The following PKP2 variants were observed in gnomAD, a reference collection of about 807,000 sequenced individuals.
PKP2 encodes the protein plakophilin 2.
In PKP2, 73 loss-of-function variants were observed where a neutral mutation model predicts 83.4. The ratio of observed to expected loss-of-function variants is 0.88; its 90% CI spans 0.72 to 1.06. PKP2 has a LOEUF of 1.06. PKP2 is among the 50% of genes least tolerant of loss of function. The probability of loss-of-function intolerance (pLI) is 0.00; values close to 1 mark genes in which losing one functional copy is unlikely to be tolerated. For missense variants in PKP2, 966 were observed against 1,065.4 expected (o/e 0.91, Z 1.30); for synonymous variants, 409 against 430.4 (o/e 0.95, Z 0.62).
chr12:32,821,702 T>A, intron 8 of PKP2, 173 bp from the exon 9 acceptor site: 1 of 622,246 alleles, frequency 1.6e-6, no homozygotes, highest in Non-Finnish European at 2.8e-6. Flanking sequence ...CACTTAACTT[T>A]TAGCCCATAA....
At position 32,792,315 on chromosome 12, in the gene PKP2, G is replaced by A; in HGVS notation, c.*109C>T. The stretch of plus-strand genomic sequence containing the variant: ...CTGGATTCAGGGGACCACGGAAATA[G>A]AGAAGGATAGAAACAAGGCATGCTT... On this transcript the variant is annotated 3_prime_UTR_variant, in exon 13 of 13. Coordinates refer to ENST00000340811, the MANE Select transcript of PKP2 (RefSeq NM_001005242.3). 1.2e-6 allele frequency: 1 copy of A among 814,524 alleles called. No individual in the cohort carries two copies. The highest frequency in any genetic ancestry group is 2.2e-6 in the Non-Finnish European group (1 of 460,030). The allele number at this position is 814,524 out of a possible 1,614,324, so 50.5% of individuals were successfully genotyped here.
chr12:32,876,903 G>A (rs1016174140), intron 3 of PKP2, among the ~76,000 whole-genome samples: 1 of 152,182 alleles, frequency 6.6e-6, no homozygotes, highest in Non-Finnish European at 1.5e-5. Flanking sequence ...AAATCTCATG[G>A]TGAATTTTAC....
rs1592723759 is a variant in PKP2, at chr12:32,791,021, C to T, written c.*1403G>A. On this transcript the variant is annotated 3_prime_UTR_variant, in exon 13 of 13. Coordinates refer to ENST00000340811, the MANE Select transcript of PKP2 (RefSeq NM_001005242.3). ...CAAATATAATAAAGACTTAAGTACA[C>T]ATTCAAAATTTATTTTCTGTTACAG... 2 of 151,958 alleles carry T rather than the reference C, an allele frequency of 1.3e-5. No individual in the cohort carries two copies. The highest frequency in any genetic ancestry group is 2.4e-5 in the African/African-American group (1 of 41,354). 9.4% of individuals were successfully genotyped at this position (151,958 alleles called of 1,614,324 possible). A position where few individuals can be genotyped will look rare whatever the true frequency, so the allele number is the denominator to read the frequency against.
intron 11 of PKP2, among the ~76,000 whole-genome samples, chr12:32,794,195 A>G (rs1281581433): frequency 6.6e-6 from 1 of 152,250 alleles, no homozygotes; most frequent in Non-Finnish European, 1.5e-5. Context: ...TGGACTTTTC[A>G]GAATCACTTG....
chr12:32,835,157 G>A (rs549303757), intron 6 of PKP2, among the ~76,000 whole-genome samples: 20 of 151,570 alleles, frequency 1.3e-4, no homozygotes, highest in Admixed American at 1.3e-3. Flanking sequence ...GGGTTCAAGC[G>A]ATTCTCCTAC....
At chr12:32,883,474 T>C (rs1413596984) in intron 1 of PKP2, among the ~76,000 whole-genome samples, 1 of 152,234 alleles carries the variant, frequency 6.6e-6, no homozygotes, top group African/African-American at 2.4e-5. Context: ...AATAAGATGA[T>C]ATCGTGATGA....
chr12:32,890,182 T>C (rs1440474392), intron 1 of PKP2, among the ~76,000 whole-genome samples: 2 of 152,094 alleles, frequency 1.3e-5, no homozygotes, highest in African/African-American at 4.8e-5. Context: ...TCTGTATGGC[T>C]TGTGTATTTA....
intron 7 of PKP2, among the ~76,000 whole-genome samples, chr12:32,823,649 C>T (rs1277078059): frequency 1.3e-5 from 2 of 150,962 alleles, no homozygotes; most frequent in Non-Finnish European, 2.9e-5. Context: ...CTCTGTCGCC[C>T]ACGCTGGAGT....
chr12:32,877,718 C>G, intron 3 of PKP2, 128 bp downstream of exon 3: 1 of 777,678 alleles, frequency 1.3e-6, no homozygotes, highest in African/African-American at 1.7e-5. Context: ...CCTGAAAAGT[C>G]ATTATTTTAA....
chr12:32,808,436 C>A (rs946840769), intron 9 of PKP2, among the ~76,000 whole-genome samples: 2 of 152,160 alleles, frequency 1.3e-5, no homozygotes, highest in African/African-American at 4.8e-5. Flanking sequence ...ATTGTTTTAT[C>A]ATGATTCTTA....
At chr12:32,884,610 G>A (rs533128123) in intron 1 of PKP2, among the ~76,000 whole-genome samples, 5 of 152,060 alleles carry the variant, frequency 3.3e-5, no homozygotes, top group South Asian at 2.1e-4. Flanking sequence ...ACCTGGTGAC[G>A]GGTAAGAAAA....
chr12:32,797,474 A>G (rs1956137561), intron 10 of PKP2, among the ~76,000 whole-genome samples: 1 of 144,726 alleles, frequency 6.9e-6, no homozygotes, highest in Non-Finnish European at 1.5e-5. Context: ...AATACATACT[A>G]TTACCAAAAA....
chr12:32,809,688 T>C (rs948256286), intron 9 of PKP2, among the ~76,000 whole-genome samples: 2 of 152,202 alleles, frequency 1.3e-5, no homozygotes. Context: ...GCTCTGTTTA[T>C]TGGACCCAAG....
At chr12:32,807,779 G>A (rs867755434) in intron 9 of PKP2, among the ~76,000 whole-genome samples, 9 of 152,208 alleles carry the variant, frequency 5.9e-5, no homozygotes, top group Middle Eastern at 3.4e-3. Flanking sequence ...TTTCTCTTTT[G>A]TTTATGAAGG....
intron 4 of PKP2, among the ~76,000 whole-genome samples, chr12:32,851,627 C>T (rs772106701): frequency 6.6e-6 from 1 of 152,090 alleles, no homozygotes; most frequent in Non-Finnish European, 1.5e-5. Flanking sequence ...CGCCACCACG[C>T]CCAGCTAATT....
rs574053559 is a variant in PKP2, at chr12:32,846,745, C to CAA, written c.1378+4019_1378+4020dup. ...GGGTAACAAGAATGAAACTTCTTCT[C>CAA]AAAAAAAAAAAAAAAAAAGAAGAGA... On this transcript the variant is annotated intron_variant, in intron 5 of 12. Coordinates refer to ENST00000340811, the MANE Select transcript of PKP2 (RefSeq NM_001005242.3). 2.8e-3 allele frequency among the ~76,000 whole-genome samples: 211 copies of CAA among 74,862 alleles called. 8 individuals carry two copies. Among genetic ancestry groups the CAA allele is most frequent in the African/African-American group, 3.4e-3 (61 of 17,724 alleles). 49.1% of individuals were successfully genotyped at this position (74,862 alleles called of 152,430 possible).
At chr12:32,884,782 GTTTT>G (rs61601476) in intron 1 of PKP2, among the ~76,000 whole-genome samples, 1 of 141,294 alleles carries the variant, frequency 7.1e-6, no homozygotes, top group Non-Finnish European at 1.6e-5. Flanking sequence ...TTGTAGAGCA[GTTTT>G]TTTTTTTTTT....
intron 9 of PKP2, among the ~76,000 whole-genome samples, chr12:32,817,986 C>T (rs1448333246): frequency 6.6e-6 from 1 of 152,134 alleles, no homozygotes; most frequent in Non-Finnish European, 1.5e-5. Context: ...AGGCTGTGTG[C>T]TCCTTATAAG....
intron 3 of PKP2, among the ~76,000 whole-genome samples, chr12:32,872,384 A>T (rs1956902490): frequency 6.6e-6 from 1 of 152,060 alleles, no homozygotes; most frequent in East Asian, 1.9e-4. Flanking sequence ...AATACAAAAA[A>T]TTAGCTGGGC....
Sources: allele counts gnomAD v4.1 joint callset (sites outside exome capture counted in the v4.1 genomes callset), GRCh38; gene constraint gnomAD v4.1.1; transcripts MANE v1.5; gene names NCBI Gene and HGNC (gene_info 2026-07-23, HGNC 2026-07-21).